NDRG2: variants seen among roughly 807,000 people sequenced by gnomAD.
The protein encoded by NDRG2 is protein NDRG2.
Under a neutral mutation model 58.2 loss-of-function variants are expected in NDRG2, and 34 were observed. The ratio of observed to expected loss-of-function variants is 0.58; its 90% CI spans 0.44 to 0.78. The LOEUF is 0.78. Among genes scored for constraint, NDRG2 ranks in the 30% least tolerant of loss-of-function variants. The probability of loss-of-function intolerance (pLI) is 0.00; values close to 1 mark genes in which losing one functional copy is unlikely to be tolerated. For synonymous variants in NDRG2, 187 were observed against 175.9 expected (o/e 1.06, Z -0.50); for missense variants, 434 against 471.2 (o/e 0.92, Z 0.73).
At chr14:21,053,798 T>C (rs2139140907) in intron 1 of NDRG2, among the ~76,000 whole-genome samples, 2 of 151,844 alleles carry the variant, frequency 1.3e-5, no homozygotes, top group African/African-American at 4.8e-5. Flanking sequence ...AGCAAGACCC[T>C]GCCTTAAAAA....
intron 14 of NDRG2, 45 bp from the exon 15 acceptor site, chr14:21,018,083 G>A (rs1877811084): frequency 6.2e-7 from 1 of 1,608,224 alleles, no homozygotes; most frequent in Non-Finnish European, 8.5e-7. Flanking sequence ...GATGAGGTTA[G>A]AGGAAGAGCT....
chr14:21,018,245 C>A lies in NDRG2; in HGVS notation c.862-6G>T, dbSNP rs763121687. ...TGACCTCCGGAGTCAGCCATCTGTTCAGGAGAGCACCACCCAGAAAAAGTG... is the reference window on the plus strand; with the variant it reads ...TGACCTCCGGAGTCAGCCATCTGTTAAGGAGAGCACCACCCAGAAAAAGTG... On this transcript the variant is annotated splice_region_variant and splice_polypyrimidine_tract_variant and intron_variant, in intron 13 of 15. Transcript: ENST00000556147. 2 of 1,613,682 alleles carry A rather than the reference C, an allele frequency of 1.2e-6. No individual in the cohort carries two copies. Among genetic ancestry groups the A allele is most frequent in the East Asian group, 2.2e-5 (1 of 44,864 alleles).
At chr14:21,065,039 C>T (rs951126230) in intron 1 of NDRG2, among the ~76,000 whole-genome samples, 27 of 152,028 alleles carry the variant, frequency 1.8e-4, no homozygotes, top group African/African-American at 6.0e-4. Context: ...GGCCTGGTGG[C>T]GGGTGCCTGT....
chr14:21,032,035 T>A, intron 1 of NDRG2: 1 of 1,614,002 alleles, frequency 6.2e-7, no homozygotes, highest in Non-Finnish European at 8.5e-7. Context: ...GCTATGTGAG[T>A]GGTTACAAGG....
chr14:21,023,405 G>A, intron 1 of NDRG2, 84 bp from the exon 2 acceptor site: 1 of 1,250,346 alleles, frequency 8.0e-7, no homozygotes, highest in Non-Finnish European at 1.1e-6. Flanking sequence ...TCTCAGCACA[G>A]GAAGATGCAG....
rs1194340866 is a variant in NDRG2, at chr14:21,017,692, A to G, written c.1020T>C (p.Asp340=). 1 of 1,609,436 alleles carries G rather than the reference A, an allele frequency of 6.2e-7. No individual in the cohort carries two copies. Among genetic ancestry groups the G allele is most frequent in the Admixed American group, 1.7e-5 (1 of 59,184 alleles). The part of the protein sequence containing the change: ...TASLTSAASV[D]GNRSRSRTLS... ...GGGTGCGAGAGCGGGACCGGTTGCC[A>G]TCAACGGATGCTGCACTGGTCAGAG... The change falls in exon 16 of 16, where the codon GAT becomes GAC. Residue 340 remains aspartate, a synonymous_variant. Transcript: ENST00000556147.
chr14:21,019,953 A>G lies in NDRG2; in HGVS notation c.579T>C (p.Ile193=). The G allele has an allele frequency of 1.9e-6, 3 of 1,613,898 alleles. No individual in the cohort carries two copies. In the South Asian group the frequency reaches 3.3e-5, roughly 18 times the overall value. ...AAAGATGTCCAAGGATCATCTCCGG[A>G]ATGGAAGAGGTGAGGCCTGTTAGCT... ...AHKLTGLTSS[I]PEMILGHLFS... is the part of the protein sequence containing the mutation. The change falls in exon 9 of 16, where the codon ATT becomes ATC. Residue 193 remains isoleucine (I), a synonymous_variant. Transcript: ENST00000556147.
At chr14:21,030,587 A>G, upstream of NDRG2, 1 of 1,613,384 alleles carries the variant, frequency 6.2e-7, no homozygotes, top group South Asian at 1.1e-5. Context: ...TGACCATGGC[A>G]TCAGAGGCAG....
In NDRG2 at chr14:21,017,531, G is replaced by A. The variant is rs1877365642; in HGVS notation, c.*65C>T. The stretch of plus-strand genomic sequence containing the variant: ...CTTACGGTGGCCCAATGCCCCTTCA[G>A]CACCTCCCAGGTTAGCTCTGGGGGA... On this transcript the variant is annotated 3_prime_UTR_variant, in exon 16 of 16. Coordinates refer to ENST00000556147, the MANE Select transcript of NDRG2 (RefSeq NM_001320329.2). 2 of 1,539,066 alleles carry A rather than the reference G, an allele frequency of 1.3e-6. No individual in the cohort carries two copies. Among genetic ancestry groups the A allele is most frequent in the African/African-American group, 1.4e-5 (1 of 73,478 alleles).
At chr14:21,030,538 C>T (rs1198143628), upstream of NDRG2, 2 of 1,596,432 alleles carry the variant, frequency 1.3e-6, no homozygotes, top group South Asian at 1.1e-5. Flanking sequence ...CTCCTTCACC[C>T]CCAAGTGTCT....
At chr14:21,050,618 T>C (rs1183040777) in intron 1 of NDRG2, among the ~76,000 whole-genome samples, 1 of 152,364 alleles carries the variant, frequency 6.6e-6, no homozygotes, top group South Asian at 2.1e-4. Flanking sequence ...CCAATGAGCT[T>C]GGGCTTTCTC....
At position 21,019,753 on chromosome 14, in the gene NDRG2, G is replaced by C. The variant is rs766560617; in HGVS notation, c.613-11C>G. 1 of 1,588,772 alleles carries C rather than the reference G, an allele frequency of 6.3e-7. No homozygotes were observed. The highest frequency in any genetic ancestry group is 1.1e-5 in the South Asian group (1 of 90,224). ...TCCAGAGAGCTCTTCCTGAAGGAGAGAACAAGGAGAAAAATTAGGGATGGA... is the reference window on the plus strand; with the variant it reads ...TCCAGAGAGCTCTTCCTGAAGGAGACAACAAGGAGAAAAATTAGGGATGGA... On this transcript the variant is annotated splice_polypyrimidine_tract_variant and intron_variant, in intron 9 of 15. Coordinates refer to ENST00000556147, the MANE Select transcript of NDRG2 (RefSeq NM_001320329.2).
At chr14:21,043,164 A>G (rs891161093) in intron 1 of NDRG2, 26 of 1,614,098 alleles carry the variant, frequency 1.6e-5, no homozygotes, top group Non-Finnish European at 2.0e-5. Context: ...CATGAAAAAC[A>G]TTAACAAGCA....
chr14:21,036,307 A>T (rs778168239), intron 1 of NDRG2: 13 of 455,586 alleles, frequency 2.9e-5, no homozygotes, highest in South Asian at 1.9e-4. Context: ...TTCGTCTAAA[A>T]GTCTGCAATA....
chr14:21,050,765 G>A (rs888251225), intron 1 of NDRG2, among the ~76,000 whole-genome samples: 2 of 152,090 alleles, frequency 1.3e-5, no homozygotes, highest in Non-Finnish European at 2.9e-5. Context: ...GCTGTACTGT[G>A]GTTATGCACA....
At chr14:21,056,777 G>A (rs1191691766) in intron 1 of NDRG2, among the ~76,000 whole-genome samples, 2 of 152,160 alleles carry the variant, frequency 1.3e-5, no homozygotes, top group African/African-American at 2.4e-5. Flanking sequence ...CCACTCACTC[G>A]GCGGCCTTGG....
At position 21,057,423 on chromosome 14, in the gene NDRG2, C is replaced by T. The variant is rs897180431; in HGVS notation, c.24+13405G>A. Among the ~76,000 whole-genome samples, 13 of 149,874 alleles carry T rather than the reference C, an allele frequency of 8.7e-5. No homozygotes were observed. The South Asian group carries it at 1.5e-3, about 17-fold the overall frequency. On this transcript the variant is annotated intron_variant, in intron 1 of 14. Transcript: ENST00000403829. ...TGCACTCCAGCATGGGCGACAAGAG[C>T]GAAACTCCATCTCAAAAAAAAAAAA...
At chr14:21,062,205 C>G (rs1015912912) in intron 1 of NDRG2, among the ~76,000 whole-genome samples, 1 of 152,250 alleles carries the variant, frequency 6.6e-6, no homozygotes, top group African/African-American at 2.4e-5. Context: ...ATTTTAAAAA[C>G]TCACATTGAC....
At chr14:21,033,663 A>G in intron 1 of NDRG2, 2 of 644,450 alleles carry the variant, frequency 3.1e-6, no homozygotes, top group South Asian at 3.6e-5. Context: ...TTGCATGGTG[A>G]TCAAAGCCCT....
Sources: gnomAD v4.1 joint callset for allele counts (sites outside exome capture counted in the v4.1 genomes callset) on GRCh38, gnomAD v4.1.1 for gene constraint, MANE v1.5 for transcripts, NCBI Gene and HGNC (gene_info 2026-07-23, HGNC 2026-07-21) for gene names.